Variants in TRA2B observed in about 807,000 individuals in gnomAD.
TRA2B encodes the protein transformer 2 beta homolog.
Under a neutral mutation model 41.7 loss-of-function variants are expected in TRA2B, and 14 were observed. That is an observed-to-expected ratio of 0.34 (90% CI 0.22 to 0.53). The LOEUF (loss-of-function observed/expected upper bound fraction) is 0.53, where lower values mean the gene tolerates loss of function less well. TRA2B is among the 20% of genes least tolerant of loss of function. The pLI is 0.95. For missense variants in TRA2B, 167 were observed against 396.8 expected, an observed-to-expected ratio of 0.42 and a Z score of 4.92; for synonymous variants, 130 against 128.8, an observed-to-expected ratio of 1.01 and a Z score of -0.06.
intron 2 of TRA2B, 33 bp from the exon 3 acceptor site, chr3:185,925,659 G>C (rs554688402): frequency 4.4e-6 from 7 of 1,585,406 alleles, no homozygotes; most frequent in Middle Eastern, 1.7e-4. Context: ...GGTTATGACT[G>C]AAAACAAATA....
At chr3:185,936,357 TAAAAA>T (rs919655510) in intron 1 of TRA2B, 1 of 983,948 alleles carries the variant, frequency 1.0e-6, no homozygotes, top group African/African-American at 1.8e-5. Flanking sequence ...AGCAAGAACT[TAAAAA>T]AAAATCTAAA....
chr3:185,931,162 A>G (rs1290062303), intron 1 of TRA2B, among the ~76,000 whole-genome samples: 2 of 152,184 alleles, frequency 1.3e-5, no homozygotes, highest in Non-Finnish European at 2.9e-5. Flanking sequence ...CATTCCTTTG[A>G]AAATGGTTTA....
chr3:185,925,430 AG>A (rs1560010831), intron 3 of TRA2B, 33 bp downstream of exon 3: 5 of 1,604,476 alleles, frequency 3.1e-6, no homozygotes, highest in Middle Eastern at 1.8e-4. Context: ...AAATTTAGGC[AG>A]TTGACTGCTT....
In TRA2B at chr3:185,921,024, A is replaced by G. The variant is rs953279310; in HGVS notation, c.722+80T>C. On this transcript the variant is annotated intron_variant, in intron 6 of 8. Coordinates refer to ENST00000453386, the MANE Select transcript of TRA2B (RefSeq NM_004593.3). The stretch of plus-strand genomic sequence containing the variant: ...AAAGTACTAAAGCAAAGCTTTTAAC[A>G]AAGGCTAAAACTTAAGCATAGTGCT... 1.8e-5 allele frequency: 23 copies of G among 1,246,890 alleles called. No homozygotes were observed. In the African/African-American group the frequency reaches 3.0e-4, roughly 16 times the overall value. The allele number at this position is 1,246,890 out of a possible 1,614,324, so 77.2% of individuals were successfully genotyped here.
intron 1 of TRA2B, chr3:185,935,309 T>TAGAC (rs1744305004): frequency 1.0e-6 from 1 of 985,158 alleles, no homozygotes; most frequent in African/African-American, 1.7e-5. Flanking sequence ...TAGACCCCTA[T>TAGAC]AGACAGATTT....
chr3:185,933,358 C>G (rs566270965), intron 1 of TRA2B, among the ~76,000 whole-genome samples: 2 of 152,136 alleles, frequency 1.3e-5, no homozygotes, highest in Non-Finnish European at 2.9e-5. Flanking sequence ...TTCAACTCAG[C>G]TAAGTTCAAG....
intron 1 of TRA2B, 95 bp from the exon 2 acceptor site, chr3:185,926,829 C>A (rs1743970943): frequency 1.4e-6 from 2 of 1,457,426 alleles, no homozygotes; most frequent in Middle Eastern, 4.2e-4. Context: ...GGACAGCAAT[C>A]CCCTTCCAAG....
intron 1 of TRA2B, chr3:185,934,669 G>A: frequency 1.0e-6 from 1 of 985,278 alleles, no homozygotes; most frequent in Non-Finnish European, 1.2e-6. Flanking sequence ...AGTAGATTCA[G>A]AGATGTTTCA....
At position 185,923,564 on chromosome 3, in the gene TRA2B, G is replaced by C. The variant is rs1045994057; in HGVS notation, c.522+232C>G. The stretch of plus-strand genomic sequence containing the variant: ...CTGACTACATATCCTGGCGGAATTG[G>C]GGTATAGTTGACCCCAATAGGTGGC... On this transcript the variant is annotated intron_variant, in intron 4 of 8. Coordinates refer to ENST00000453386, the MANE Select transcript of TRA2B (RefSeq NM_004593.3). The C allele has an allele frequency of 8.4e-6, 3 of 358,104 alleles. No homozygotes were observed. In the East Asian group the frequency reaches 1.4e-4, roughly 16 times the overall value. 22.2% of individuals were successfully genotyped at this position (358,104 alleles called of 1,614,324 possible).
At chr3:185,926,047 G>A (rs1743937380) in intron 2 of TRA2B, among the ~76,000 whole-genome samples, 1 of 151,978 alleles carries the variant, frequency 6.6e-6, no homozygotes. Context: ...AGTGGCTCTT[G>A]ACTAACTAGA....
intron 4 of TRA2B, chr3:185,923,093 C>T (rs1743802425): frequency 6.6e-6 from 1 of 152,252 alleles, no homozygotes; most frequent in Admixed American, 6.5e-5. Flanking sequence ...ACCACCCTGA[C>T]CCAACATGGA....
chr3:185,917,678 C>A lies in TRA2B; in HGVS notation c.*37G>T. 5 of 1,609,832 alleles carry A rather than the reference C, an allele frequency of 3.1e-6. No individual in the cohort carries two copies. Among genetic ancestry groups the A allele is most frequent in the South Asian group, 1.1e-5 (1 of 90,508 alleles). ...AAAAAATATTGCCCACAAACAATAT[C>A]CCAGCTCTAGGGCAGGTTTCAGAAA... On this transcript the variant is annotated 3_prime_UTR_variant, in exon 9 of 9. Coordinates refer to ENST00000453386, the MANE Select transcript of TRA2B (RefSeq NM_004593.3).
At chr3:185,925,669 A>G (rs1399318213) in intron 2 of TRA2B, 43 bp from the exon 3 acceptor site, 2 of 1,569,850 alleles carry the variant, frequency 1.3e-6, no homozygotes, top group Non-Finnish European at 1.7e-6. Context: ...GAAAACAAAT[A>G]TTGTCTTCTT....
chr3:185,926,456 G>T, intron 2 of TRA2B, 145 bp downstream of exon 2: 2 of 1,079,804 alleles, frequency 1.9e-6, no homozygotes, highest in Non-Finnish European at 2.6e-6. Flanking sequence ...TTTTAGTCTT[G>T]CCTCCCAGAA....
intron 1 of TRA2B, chr3:185,934,376 C>T: frequency 1.0e-6 from 1 of 985,358 alleles, no homozygotes; most frequent in East Asian, 1.1e-4. Context: ...ATTAACACTT[C>T]CCCCACCACC....
At chr3:185,925,671 T>C in intron 2 of TRA2B, 45 bp from the exon 3 acceptor site, 1 of 1,571,004 alleles carries the variant, frequency 6.4e-7, no homozygotes. Context: ...AAACAAATAT[T>C]GTCTTCTTTA....
intron 8 of TRA2B, among the ~76,000 whole-genome samples, 200 bp from the exon 9 acceptor site, chr3:185,917,925 G>C (rs942664874): frequency 6.6e-6 from 1 of 152,218 alleles, no homozygotes; most frequent in Non-Finnish European, 1.5e-5. Context: ...AAATTGCTGG[G>C]AAGTATATAA....
chr3:185,923,237 A>G (rs1414804718), intron 4 of TRA2B: 1 of 152,818 alleles, frequency 6.5e-6, no homozygotes, highest in Non-Finnish European at 1.5e-5. Context: ...AGATCGCGCC[A>G]TTGCACTCCA....
chr3:185,933,878 GACT>G (rs1336076466), intron 1 of TRA2B, among the ~76,000 whole-genome samples: 8 of 152,032 alleles, frequency 5.3e-5, no homozygotes, highest in African/African-American at 1.9e-4. Context: ...CTTTTCAGAA[GACT>G]ACCTTTTAAC....
Sources: allele counts gnomAD v4.1 joint callset (sites outside exome capture counted in the v4.1 genomes callset), GRCh38; gene constraint gnomAD v4.1.1; transcripts MANE v1.5; gene names NCBI Gene and HGNC (gene_info 2026-07-23, HGNC 2026-07-21).